The following PTPRT variants were observed in gnomAD, a reference collection of about 807,000 sequenced individuals.
PTPRT encodes the protein protein tyrosine phosphatase receptor type T, also known as receptor-type tyrosine-protein phosphatase T.
A neutral mutation model predicts 176.8 loss-of-function variants in PTPRT; 56 were observed. That is an observed-to-expected ratio of 0.32 (90% CI 0.26 to 0.40). The LOEUF is 0.40. Ranked by LOEUF, PTPRT falls within the 10% of genes least tolerant of loss-of-function variation. The pLI is 1.00. For missense variants in PTPRT, 1,540 were observed against 1,908.2 expected, an observed-to-expected ratio of 0.81 and a Z score of 3.60; for synonymous variants, 783 against 739.0, an observed-to-expected ratio of 1.06 and a Z score of -0.96.
chr20:42,171,801 T>C (rs909777871), intron 16 of PTPRT, among the ~76,000 whole-genome samples: 5 of 152,170 alleles, frequency 3.3e-5, no homozygotes, highest in African/African-American at 1.2e-4. Context: ...GTAATACCAC[T>C]GAAAACTACA....
intron 6 of PTPRT, among the ~76,000 whole-genome samples, chr20:42,723,508 C>T (rs186665716): frequency 1.2e-3 from 184 of 152,262 alleles, no homozygotes; most frequent in African/African-American, 4.3e-3. Flanking sequence ...AATGCGGGCA[C>T]CTGCCATGTT....
intron 1 of PTPRT, among the ~76,000 whole-genome samples, chr20:43,003,219 A>T (rs1298580673): frequency 6.6e-6 from 1 of 152,256 alleles, no homozygotes; most frequent in East Asian, 1.9e-4. Flanking sequence ...ACAGGGTCTC[A>T]CTCTGTCACC....
chr20:42,490,860 A>G (rs1362147123), intron 7 of PTPRT, among the ~76,000 whole-genome samples: 1 of 152,204 alleles, frequency 6.6e-6, no homozygotes, highest in Non-Finnish European at 1.5e-5. Flanking sequence ...GTTTCCCTTT[A>G]TTTTCTAAGG....
chr20:42,511,590 A>G (rs1364209135), intron 7 of PTPRT, among the ~76,000 whole-genome samples: 3 of 151,716 alleles, frequency 2.0e-5, no homozygotes, highest in Admixed American at 6.6e-5. Flanking sequence ...ATCTGATGCT[A>G]TTACTTCTGG....
At chr20:42,632,640 A>G (rs2074436993) in intron 7 of PTPRT, among the ~76,000 whole-genome samples, 1 of 149,946 alleles carries the variant, frequency 6.7e-6, no homozygotes, top group African/African-American at 2.4e-5. Context: ...TATATATTAT[A>G]CTAAATTTAT....
chr20:42,302,844 G>A (rs1457785597), intron 12 of PTPRT, among the ~76,000 whole-genome samples: 3 of 152,186 alleles, frequency 2.0e-5, no homozygotes, highest in African/African-American at 7.2e-5. Context: ...AATGGGGTGT[G>A]GGAGACTGGG....
chr20:42,106,181 A>C, intron 24 of PTPRT, among the ~76,000 whole-genome samples: 1 of 152,198 alleles, frequency 6.6e-6, no homozygotes, highest in Non-Finnish European at 1.5e-5. Context: ...CGTGACTAGA[A>C]AGAATGTATG....
In PTPRT at chr20:42,282,358, A is replaced by G; in HGVS notation, c.2176+131T>C. On this transcript the variant is annotated intron_variant, in intron 13 of 30. Transcript: ENST00000373187. Reference sequence around the variant, plus strand: ...CCTAGAATGTATGTTCTAGATGCAAATGACTCCGGTGAAAATAACAATTCT... The same window carrying G: ...CCTAGAATGTATGTTCTAGATGCAAGTGACTCCGGTGAAAATAACAATTCT... 3 of 906,476 alleles carry G rather than the reference A, an allele frequency of 3.3e-6. No homozygotes were observed. The South Asian group carries it at 5.2e-5, about 16-fold the overall frequency. The allele number at this position is 906,476 out of a possible 1,614,324, so 56.2% of individuals were successfully genotyped here.
chr20:42,490,619 A>G (rs1398468869), intron 7 of PTPRT, among the ~76,000 whole-genome samples: 1 of 152,094 alleles, frequency 6.6e-6, no homozygotes, highest in Non-Finnish European at 1.5e-5. Context: ...GATTTTTCTA[A>G]AAGGATTATC....
intron 15 of PTPRT, among the ~76,000 whole-genome samples, chr20:42,229,472 TA>T (rs1191450370): frequency 5.9e-5 from 9 of 152,234 alleles, no homozygotes. Flanking sequence ...AAGTGGCTGA[TA>T]AATTACATTA....
intron 1 of PTPRT, among the ~76,000 whole-genome samples, chr20:43,000,798 C>T (rs1600637785): frequency 6.6e-6 from 1 of 151,556 alleles, no homozygotes; most frequent in Admixed American, 6.6e-5. Flanking sequence ...GTCAGTGATA[C>T]GACAGAAGAA....
chr20:42,340,646 G>A (rs2058098334), intron 11 of PTPRT, among the ~76,000 whole-genome samples: 1 of 152,150 alleles, frequency 6.6e-6, no homozygotes, highest in Non-Finnish European at 1.5e-5. Context: ...ACAGAGCCAT[G>A]CTCTAACTCA....
chr20:42,505,546 C>G (rs2071829585), intron 7 of PTPRT, among the ~76,000 whole-genome samples: 1 of 152,144 alleles, frequency 6.6e-6, no homozygotes, highest in Non-Finnish European at 1.5e-5. Context: ...AGGTGATCCA[C>G]CTGCCTTGGC....
Position 42,074,705 on chromosome 20 carries a change from G to A in PTPRT, c.*6174C>T. 5.0e-6 allele frequency: 2 copies of A among 398,422 alleles called. No homozygotes were observed. The highest frequency in any genetic ancestry group is 7.1e-5 in the East Asian group (2 of 28,060). The allele number at this position is 398,422 out of a possible 1,614,324, so 24.7% of individuals were successfully genotyped here. A position where few individuals can be genotyped will look rare whatever the true frequency, so the allele number is the denominator to read the frequency against. On this transcript the variant is annotated 3_prime_UTR_variant, in exon 31 of 31. Transcript: ENST00000373187. The stretch of plus-strand genomic sequence containing the variant: ...TTTGGAGGCTACCATTGTGAGTGTT[G>A]ATGCCTCCTTTTAGAGACCTAACAT...
chr20:42,725,924 T>C (rs1194943156), intron 6 of PTPRT, among the ~76,000 whole-genome samples: 1 of 152,114 alleles, frequency 6.6e-6, no homozygotes, highest in Non-Finnish European at 1.5e-5. Context: ...ATGCCCCTTT[T>C]GATTACGGTG....
chr20:42,279,690 A>T (rs745892627), intron 13 of PTPRT, among the ~76,000 whole-genome samples: 38 of 152,238 alleles, frequency 2.5e-4, no homozygotes, highest in Non-Finnish European at 5.4e-4. Context: ...TTGGAGACAC[A>T]TGCTGGAGCC....
rs781342518 is a variant in PTPRT at position 42,448,238 on chromosome 20, C to A, written c.1542G>T (p.Gly514=). The change falls in exon 9 of 31, where the codon GGG becomes GGT. Residue 514 remains glycine (G), a synonymous_variant. Coordinates refer to ENST00000373187, the MANE Select transcript of PTPRT (RefSeq NM_007050.6). ...IQWKPPNETN[G]VITLYEINYK... ...TCCTTACCTCGTAGAGCGTGATGAC[C>A]CCATTGGTCTCATTGGGAGGTTTCC... The A allele has an allele frequency of 1.1e-5, 17 of 1,611,922 alleles. 1 individual carries two copies. In the South Asian group the frequency reaches 1.9e-4, roughly 18 times the overall value.
intron 9 of PTPRT, among the ~76,000 whole-genome samples, chr20:42,410,506 A>C (rs959441831): frequency 1.3e-5 from 2 of 152,140 alleles, no homozygotes; most frequent in Non-Finnish European, 2.9e-5. Context: ...TCTCCCAGTA[A>C]TTGATAGAAC....
chr20:42,639,382 G>T (rs1291677340), intron 7 of PTPRT, among the ~76,000 whole-genome samples: 1 of 152,078 alleles, frequency 6.6e-6, no homozygotes, highest in Non-Finnish European at 1.5e-5. Flanking sequence ...TAAGAAACTT[G>T]AATTTGAAAC....
Sources: gnomAD v4.1 joint callset for allele counts (sites outside exome capture counted in the v4.1 genomes callset) on GRCh38, gnomAD v4.1.1 for gene constraint, MANE v1.5 for transcripts, NCBI Gene and HGNC (gene_info 2026-07-23, HGNC 2026-07-21) for gene names.